The following ZAP70 variants were observed in gnomAD, a reference collection of about 807,000 sequenced individuals.
ZAP70 encodes the protein tyrosine-protein kinase ZAP-70.
ZAP70 carries 27 observed loss-of-function variants against 65.8 expected under a neutral mutation model. That is an observed-to-expected ratio of 0.41 (90% CI 0.30 to 0.57). The LOEUF (loss-of-function observed/expected upper bound fraction) is 0.57. Among genes scored for constraint, ZAP70 ranks in the 20% least tolerant of loss-of-function variants. The probability of loss-of-function intolerance (pLI) is 0.28; values close to 1 mark genes in which losing one functional copy is unlikely to be tolerated. For synonymous variants in ZAP70, 363 were observed against 360.8 expected (o/e 1.01, Z -0.07); for missense variants, 696 against 870.5 (o/e 0.80, Z 2.52).
chr2:97,739,253 G>A, intron 13 of ZAP70, 122 bp from the exon 14 acceptor site: 1 of 1,479,538 alleles, frequency 6.8e-7, no homozygotes, highest in Non-Finnish European at 9.1e-7. Flanking sequence ...CACCCCAACA[G>A]CCCTGCTGAC....
chr2:97,739,126 G>T (rs1183662584), intron 13 of ZAP70, among the ~76,000 whole-genome samples: 1 of 152,154 alleles, frequency 6.6e-6, no homozygotes, highest in Non-Finnish European at 1.5e-5. Context: ...ACTGGTCAAC[G>T]CTCGGTAGAG....
At chr2:97,742,947 C>T (rs1678165243), downstream of ZAP70, among the ~76,000 whole-genome samples, 1 of 152,184 alleles carries the variant, frequency 6.6e-6, no homozygotes, top group Admixed American at 6.5e-5. Context: ...AATTCATGTT[C>T]TAGAGGACAG....
chr2:97,733,690 G>C, intron 8 of ZAP70, 95 bp downstream of exon 8: 1 of 1,518,518 alleles, frequency 6.6e-7, no homozygotes, highest in Non-Finnish European at 9.1e-7. Context: ...GGGGCGCTGT[G>C]GGCCGGGCCA....
intron 13 of ZAP70, 53 bp downstream of exon 13, chr2:97,738,160 G>C (rs1447150554): frequency 1.3e-6 from 2 of 1,502,582 alleles, no homozygotes; most frequent in Non-Finnish European, 1.8e-6. Context: ...GAAAGTCCTG[G>C]TGCCCGATGA....
In ZAP70 at chr2:97,737,574, C is replaced by G. The variant is rs1219039007; in HGVS notation, c.1391C>G (p.Ala464Gly). The G allele has an allele frequency of 6.2e-7, 1 of 1,614,150 alleles. No homozygotes were observed. Among genetic ancestry groups the G allele is most frequent in the South Asian group, 1.1e-5 (1 of 91,090 alleles). The change falls in exon 11 of 14, where the codon GCC becomes GGC. Residue 464 changes from alanine (A) to glycine (G), a missense_variant. By Grantham distance (60) the Ala-to-Gly change is moderately conservative. Around this residue, in one of 3 missense-constraint regions of ZAP70, gnomAD observed 67 missense variants for 151.9 expected, o/e 0.44. Transcript: ENST00000264972. This position sits in a 1 kb window ranked among gnomAD's most constrained non-coding sequence, Gnocchi z 5.0. The part of the protein sequence containing the change: ...EKNFVHRDLA[A>G]RNVLLVNRHY... ...AACTTTGTGCACCGTGACCTGGCGGCCCGCAACGTCCTGCTGGTTAACCGG... is the reference window on the plus strand; with the variant it reads ...AACTTTGTGCACCGTGACCTGGCGGGCCGCAACGTCCTGCTGGTTAACCGG...
At position 97,734,695 on chromosome 2, in the gene ZAP70, C is replaced by T. The variant is rs201207626; in HGVS notation, c.1065C>T (p.Gly355=). The change falls in exon 9 of 14, where the codon GGC becomes GGT. Residue 355 remains glycine, a synonymous_variant. Transcript: ENST00000264972. ...GCAACTTTGGCTCAGTGCGCCAGGG[C>T]GTGTACCGCATGCGCAAGTATGGCC... The part of the protein sequence containing the change: ...GCGNFGSVRQ[G]VYRMRKKQID... 8 of 1,613,962 alleles carry T rather than the reference C, an allele frequency of 5.0e-6. 1 individual carries two copies. Among genetic ancestry groups the T allele is most frequent in the Middle Eastern group, 3.3e-4 (2 of 6,060 alleles).
intron 2 of ZAP70, among the ~76,000 whole-genome samples, chr2:97,720,017 C>T (rs1420348296): frequency 1.3e-5 from 2 of 152,186 alleles, no homozygotes; most frequent in Non-Finnish European, 2.9e-5. Flanking sequence ...TCTCCGTATG[C>T]TGTTCCACTT....
the ZAP70 span, among the ~76,000 whole-genome samples, chr2:97,749,065 A>G: frequency 7.3e-6 from 1 of 136,184 alleles, no homozygotes; most frequent in Non-Finnish European, 1.5e-5. Flanking sequence ...GCTGGAGTGC[A>G]GTGGCGCAAT....
rs1573262435 is a variant in ZAP70 at position 97,724,338 on chromosome 2, C to T, written c.302C>T (p.Pro101Leu). 6.4e-7 allele frequency: 1 copy of T among 1,567,258 alleles called. No individual in the cohort carries two copies. The highest frequency in any genetic ancestry group is 8.6e-7 in the Non-Finnish European group (1 of 1,156,158). ...GGGCTGCCCTGCAACCTGCGCAAGC[C>T]GTGCAACCGGCCGTCGGGCCTCGAG... ...PDGLPCNLRKPCNRPSGLEPQ... is the reference protein window; with the variant it reads ...PDGLPCNLRKLCNRPSGLEPQ... Residue 101 changes from proline (P) to leucine (L), a missense_variant, in exon 3 of 14, where the codon CCG becomes CTG. By Grantham distance (98) the Pro-to-Leu change is moderately conservative. This residue lies in a region of ZAP70 where 551 missense variants were observed against 630.0 expected (regional missense o/e 0.87). Transcript: ENST00000264972.
intron 13 of ZAP70, chr2:97,738,568 G>A (rs1250209373): frequency 8.3e-6 from 2 of 239,856 alleles, no homozygotes; most frequent in East Asian, 2.0e-4. Flanking sequence ...CCTGGTTGAA[G>A]CCCAACCTTC....
chr2:97,724,966 C>G lies in ZAP70; in HGVS notation c.403-126C>G, dbSNP rs1210731910. The G allele has an allele frequency of 3.2e-6, 5 of 1,540,398 alleles. No homozygotes were observed. In the Admixed American group the frequency reaches 5.8e-5, roughly 18 times the overall value. On this transcript the variant is annotated intron_variant, in intron 3 of 13. Transcript: ENST00000264972. ...TGGCGCGGAGGTAGTCCTCGAAAAC[C>G]TGCCTAACACGCGCTAGGGACGCCT... is the stretch of plus-strand genomic sequence containing the variant.
chr2:97,727,695 T>A (rs1199317698), intron 4 of ZAP70, among the ~76,000 whole-genome samples: 1 of 152,240 alleles, frequency 6.6e-6, no homozygotes, highest in Non-Finnish European at 1.5e-5. Flanking sequence ...TAAATTCATC[T>A]GTCTTCTTTG....
chr2:97,750,738 G>C, the ZAP70 span, among the ~76,000 whole-genome samples: 6 of 152,208 alleles, frequency 3.9e-5, no homozygotes, highest in African/African-American at 1.2e-4. Context: ...TTCCCCTGTG[G>C]TGTTTTTCTA....
downstream of ZAP70, among the ~76,000 whole-genome samples, chr2:97,740,179 ACC>A (rs534883145): frequency 2.7e-5 from 4 of 149,526 alleles, no homozygotes; most frequent in African/African-American, 4.9e-5. Flanking sequence ...ACAAACGCTA[ACC>A]CCCCCTCCCC....
chr2:97,718,200 T>A (rs578233763), intron 2 of ZAP70, among the ~76,000 whole-genome samples: 3 of 152,114 alleles, frequency 2.0e-5, no homozygotes, highest in African/African-American at 7.2e-5. Context: ...GGTGGGTGTG[T>A]CTTCTGGGAG....
the ZAP70 span, among the ~76,000 whole-genome samples, chr2:97,755,161 A>G: frequency 6.6e-6 from 1 of 152,246 alleles, no homozygotes; most frequent in African/African-American, 2.4e-5. Context: ...AAGTTGGAAC[A>G]GGCAAGATTA....
intron 9 of ZAP70, 163 bp downstream of exon 9, chr2:97,734,875 C>G: frequency 1.0e-6 from 1 of 966,380 alleles, no homozygotes; most frequent in Non-Finnish European, 1.5e-6. Flanking sequence ...CCTGAGAGAG[C>G]TCGGGACACC....
chr2:97,720,717 T>A (rs568437466), intron 2 of ZAP70, among the ~76,000 whole-genome samples: 1 of 152,336 alleles, frequency 6.6e-6, no homozygotes, highest in East Asian at 1.9e-4. Flanking sequence ...GAGCCACAAA[T>A]GCAGTCCCTT....
At chr2:97,727,697 T>G (rs916968597) in intron 4 of ZAP70, among the ~76,000 whole-genome samples, 2 of 152,202 alleles carry the variant, frequency 1.3e-5, no homozygotes, top group African/African-American at 4.8e-5. Context: ...AATTCATCTG[T>G]CTTCTTTGAT....
Sources: gnomAD v4.1 joint callset for allele counts (sites outside exome capture counted in the v4.1 genomes callset) on GRCh38, gnomAD v4.1.1 for gene constraint, gnomAD v4.1.1 regional missense constraint, Gnocchi (gnomAD v3.1) non-coding constraint, MANE v1.5 for transcripts, NCBI Gene and HGNC (gene_info 2026-07-23, HGNC 2026-07-21) for gene names.